The following SNX13 variants were observed in gnomAD, a reference collection of about 807,000 sequenced individuals.
SNX13 encodes the protein sorting nexin 13.
SNX13 carries 45 observed loss-of-function variants against 133.6 expected under a neutral mutation model. The ratio of observed to expected loss-of-function variants is 0.34; its 90% confidence interval spans 0.27 to 0.43. The LOEUF is 0.43. Among genes scored for constraint, SNX13 ranks in the 20% least tolerant of loss-of-function variants. SNX13 has a pLI of 1.00. For synonymous variants in SNX13, 414 were observed against 373.9 expected (o/e 1.11, Z -1.24); for missense variants, 1,032 against 1,145.1 (o/e 0.90, Z 1.43).
At chr7:17,894,340 G>T (rs774447851) in intron 2 of SNX13, among the ~76,000 whole-genome samples, 2 of 151,878 alleles carry the variant, frequency 1.3e-5, no homozygotes, top group Non-Finnish European at 2.9e-5. Flanking sequence ...AAACAAGTAG[G>T]CTAGCTAATA....
At chr7:17,843,880 A>T (rs1790190906) in intron 12 of SNX13, among the ~76,000 whole-genome samples, 1 of 152,078 alleles carries the variant, frequency 6.6e-6, no homozygotes, top group Admixed American at 6.6e-5. Flanking sequence ...AGAAGAAATC[A>T]CAAGAGAAAT....
chr7:17,917,991 A>G (rs1012591854), intron 1 of SNX13, among the ~76,000 whole-genome samples: 23 of 152,180 alleles, frequency 1.5e-4, no homozygotes, highest in Non-Finnish European at 1.3e-4. Flanking sequence ...GAACCCAGAA[A>G]TAAAGCCACA....
At chr7:17,837,751 T>A (rs1052835252) in intron 13 of SNX13, among the ~76,000 whole-genome samples, 2 of 152,014 alleles carry the variant, frequency 1.3e-5, no homozygotes. Context: ...CTTGTCAAAC[T>A]GAAGTTCAAT....
chr7:17,831,621 T>G lies in SNX13; in HGVS notation c.1598-1574A>C. 4 of 984,264 alleles carry G rather than the reference T, an allele frequency of 4.1e-6. No individual in the cohort carries two copies. In the South Asian group the frequency reaches 1.9e-4, roughly 46 times the overall value. 61.0% of individuals were successfully genotyped at this position (984,264 alleles called of 1,614,324 possible). A position where few individuals can be genotyped will look rare whatever the true frequency, so the allele number is the denominator to read the frequency against. On this transcript the variant is annotated intron_variant, in intron 15 of 25. Transcript: ENST00000428135. ...TATGATATGACTTGGTCCTTTAATT[T>G]TAGGCTCAAATGTAGACTACTTTAA...
chr7:17,893,035 T>A (rs1194463283), intron 3 of SNX13, among the ~76,000 whole-genome samples: 1 of 152,316 alleles, frequency 6.6e-6, no homozygotes, highest in Middle Eastern at 3.4e-3. Context: ...AAAAATCATA[T>A]GCATGATGCT....
rs138218789 is a variant in SNX13 at position 17,799,242 on chromosome 7, T to C, written c.2299-88A>G. On this transcript the variant is annotated intron_variant, in intron 22 of 25. Transcript: ENST00000428135. ...TGTTGCTTTTACGAAATGATTGATA[T>C]TTCACAAGTCAGAGAACAAGTTACA... 4.2e-4 allele frequency: 468 copies of C among 1,119,924 alleles called. No individual in the cohort carries two copies. In the African/African-American group the frequency reaches 6.7e-3, roughly 16 times the overall value. The allele number at this position is 1,119,924 out of a possible 1,614,324, so 69.4% of individuals were successfully genotyped here.
intron 1 of SNX13, among the ~76,000 whole-genome samples, chr7:17,923,385 C>T (rs1472646473): frequency 6.6e-6 from 1 of 151,856 alleles, no homozygotes; most frequent in Non-Finnish European, 1.5e-5. Flanking sequence ...CTTTTAAAAC[C>T]CCTCAATGAG....
rs1384716354 is a variant in SNX13 at position 17,791,890 on chromosome 7, T to G, written c.*2155A>C. On this transcript the variant is annotated 3_prime_UTR_variant, in exon 26 of 26. Coordinates refer to ENST00000428135, the MANE Select transcript of SNX13 (RefSeq NM_015132.5). Reference sequence around the variant, plus strand: ...ACCACCATTTACAAAGACTATCATTTGACATTTTCTGCTTCTGAAATATAA... The same window carrying G: ...ACCACCATTTACAAAGACTATCATTGGACATTTTCTGCTTCTGAAATATAA... 1.3e-5 allele frequency: 2 copies of G among 152,108 alleles called. No individual in the cohort carries two copies. The highest frequency in any genetic ancestry group is 2.9e-5 in the Non-Finnish European group (2 of 67,966). The allele number at this position is 152,108 out of a possible 1,614,324, so 9.4% of individuals were successfully genotyped here.
At chr7:17,824,927 G>A (rs953506753) in intron 17 of SNX13, among the ~76,000 whole-genome samples, 3 of 151,796 alleles carry the variant, frequency 2.0e-5, no homozygotes, top group Non-Finnish European at 2.9e-5. Context: ...GCACCACCAC[G>A]CCCAGCTAAT....
Position 17,869,577 on chromosome 7 carries a change from T to C in SNX13, c.754-1087A>G, listed in dbSNP as rs189655425. Reference sequence around the variant, plus strand: ...GGATCACAGAAGGTGGTCTTTATTTTTAGTAAACTGTACAAGTCTCTTTTG... The same window carrying C: ...GGATCACAGAAGGTGGTCTTTATTTCTAGTAAACTGTACAAGTCTCTTTTG... On this transcript the variant is annotated intron_variant, in intron 8 of 25. Coordinates refer to ENST00000428135, the MANE Select transcript of SNX13 (RefSeq NM_015132.5). Among the ~76,000 whole-genome samples, 427 of 152,230 alleles carry C rather than the reference T, an allele frequency of 2.8e-3. 12 individuals are homozygous for C. Among genetic ancestry groups the C allele is most frequent in the Admixed American group, 0.025 (387 of 15,286 alleles).
At chr7:17,886,628 T>C (rs1796024713) in intron 5 of SNX13, among the ~76,000 whole-genome samples, 1 of 151,974 alleles carries the variant, frequency 6.6e-6, no homozygotes, top group Admixed American at 6.6e-5. Flanking sequence ...TCTGCTAATC[T>C]TGGGTTAAGG....
At position 17,791,534 on chromosome 7, in the gene SNX13, AAACT is replaced by A. The variant is rs1375180273; in HGVS notation, c.*2507_*2510del. 2.0e-5 allele frequency: 3 copies of A among 152,184 alleles called. No individual in the cohort carries two copies. The East Asian group carries it at 5.8e-4, about 29-fold the overall frequency. 9.4% of individuals were successfully genotyped at this position (152,184 alleles called of 1,614,324 possible). ...ATACAATCAATTTTTTAAGGTGAATAAACTATGATGGTTTCTAAATAGTGTACAT... is the reference window on the plus strand; with the variant it reads ...ATACAATCAATTTTTTAAGGTGAATAATGATGGTTTCTAAATAGTGTACAT... On this transcript the variant is annotated 3_prime_UTR_variant, in exon 26 of 26. Coordinates refer to ENST00000428135, the MANE Select transcript of SNX13 (RefSeq NM_015132.5).
chr7:17,875,016 C>CT (rs112659810), intron 7 of SNX13, among the ~76,000 whole-genome samples: 1 of 151,906 alleles, frequency 6.6e-6, no homozygotes, highest in Non-Finnish European at 1.5e-5. Context: ...AATTTCTTTT[C>CT]TTTTTTTTAG....
chr7:17,805,250 T>TGTGTGTGTGTGTGCACGCGCGC, intron 20 of SNX13, among the ~76,000 whole-genome samples: 1 of 95,560 alleles, frequency 1.0e-5, no homozygotes, highest in Non-Finnish European at 2.5e-5. Flanking sequence ...TGTGTGTGTG[T>TGTGTGTGTGTGTGCACGCGCGC]GCGTGCGCGC....
rs61755315 is a variant in SNX13, at chr7:17,801,646, A to G, written c.2240T>C (p.Ile747Thr). The G allele has an allele frequency of 6.2e-4, 993 of 1,607,676 alleles. 1 individual carries two copies. The highest frequency in any genetic ancestry group is 8.0e-4 in the Non-Finnish European group (947 of 1,177,142). Residue 747 changes from isoleucine (I) to threonine (T), a missense_variant, in exon 22 of 26, where the codon ATT (isoleucine) becomes ACT (threonine). Physicochemically the swap from Ile to Thr is moderately conservative, Grantham distance 89 (BLOSUM62 -1). Coordinates refer to ENST00000428135, the MANE Select transcript of SNX13 (RefSeq NM_015132.5). ...KQSFFKVPPL[I>T]PKTDSDPEHR... ...TTCAGGGTCTGAATCAGTCTTAGGA[A>G]TTAAAGGAGGCACCTAAAAATAAAA...
At position 17,798,721 on chromosome 7, in the gene SNX13, C is replaced by G; in HGVS notation, c.2482G>C (p.Glu828Gln). The G allele has an allele frequency of 6.4e-7, 1 of 1,570,604 alleles. No homozygotes were observed. The highest frequency in any genetic ancestry group is 8.6e-7 in the Non-Finnish European group (1 of 1,162,122). ...VDHVDWMTSPEQVADSVKRFR... is the reference protein window; with the variant it reads ...VDHVDWMTSPQQVADSVKRFR... The stretch of plus-strand genomic sequence containing the variant: ...CGTTTCACTGAGTCGGCTACTTGTT[C>G]AGGTGAAGTCATCCAGTCAACATGG... The change falls in exon 24 of 26, where the codon GAA becomes CAA. Residue 828 changes from glutamate to glutamine, a missense_variant. Physicochemically the swap from Glu to Gln is conservative, Grantham distance 29. Transcript: ENST00000428135.
At chr7:17,899,952 AG>A (rs1487149547) in intron 1 of SNX13, 1 of 152,138 alleles carries the variant, frequency 6.6e-6, no homozygotes, top group East Asian at 1.9e-4. Flanking sequence ...CTTCTTGGGA[AG>A]GCTTTCCAGG....
intron 1 of SNX13, among the ~76,000 whole-genome samples, chr7:17,914,954 C>A (rs1286744975): frequency 6.6e-6 from 1 of 152,150 alleles, no homozygotes; most frequent in African/African-American, 2.4e-5. Context: ...AAGACCCATT[C>A]TTTTACTACC....
At chr7:17,844,138 G>T (rs1790222172) in intron 12 of SNX13, among the ~76,000 whole-genome samples, 1 of 151,930 alleles carries the variant, frequency 6.6e-6, no homozygotes, top group Admixed American at 6.6e-5. Flanking sequence ...AGCAATAGTT[G>T]ATTCTTTGAA....
Sources: gnomAD v4.1 joint callset for allele counts (sites outside exome capture counted in the v4.1 genomes callset) on GRCh38, gnomAD v4.1.1 for gene constraint, MANE v1.5 for transcripts, NCBI Gene and HGNC (gene_info 2026-07-23, HGNC 2026-07-21) for gene names.